Variants in HMGCLL1 observed in about 807,000 individuals in gnomAD.
The protein encoded by HMGCLL1 is 3-hydroxymethyl-3-methylglutaryl-CoA lyase, cytoplasmic.
Under a neutral mutation model 39.1 loss-of-function variants are expected in HMGCLL1, and 36 were observed. That is an observed-to-expected ratio of 0.92 (90% CI 0.71 to 1.22). HMGCLL1 has a LOEUF of 1.22. HMGCLL1 is among the 50% of genes most tolerant of loss of function. The pLI is 0.00. For synonymous variants in HMGCLL1, 149 were observed against 144.0 expected, an observed-to-expected ratio of 1.03 and a Z score of -0.25; for missense variants, 451 against 416.5, an observed-to-expected ratio of 1.08 and a Z score of -0.72.
chr6:55,598,322 A>T, the HMGCLL1 span, among the ~76,000 whole-genome samples: 2 of 152,286 alleles, frequency 1.3e-5, no homozygotes, highest in African/African-American at 2.4e-5. Flanking sequence ...TTACAAAAAA[A>T]ATTAGAGAGC....
chr6:55,537,333 T>TA (rs1204415423), intron 3 of HMGCLL1, among the ~76,000 whole-genome samples: 1 of 152,202 alleles, frequency 6.6e-6, no homozygotes, highest in Non-Finnish European at 1.5e-5. Context: ...GTGATTTATT[T>TA]AAACCACTTA....
At chr6:55,627,728 A>G in the HMGCLL1 span, among the ~76,000 whole-genome samples, 1 of 147,258 alleles carries the variant, frequency 6.8e-6, no homozygotes, top group Non-Finnish European at 1.5e-5. Flanking sequence ...CCCAGCCTAC[A>G]TCTTTCTCTT....
chr6:55,564,936 G>A (rs939933939), intron 1 of HMGCLL1, among the ~76,000 whole-genome samples: 1 of 151,914 alleles, frequency 6.6e-6, no homozygotes, highest in Non-Finnish European at 1.5e-5. Context: ...ACCTCAGCCT[G>A]TGAATGTTGG....
chr6:55,588,403 C>G, the HMGCLL1 span, among the ~76,000 whole-genome samples: 1 of 151,646 alleles, frequency 6.6e-6, no homozygotes, highest in African/African-American at 2.4e-5. Context: ...ACATTTAAAA[C>G]AGTGTATAGA....
the HMGCLL1 span, among the ~76,000 whole-genome samples, chr6:55,622,902 T>A: frequency 2.6e-5 from 4 of 152,042 alleles, no homozygotes; most frequent in Non-Finnish European, 4.4e-5. Context: ...GGCTTTTCTT[T>A]GCTGGGAGAC....
At chr6:55,559,576 C>T (rs943634283) in intron 1 of HMGCLL1, among the ~76,000 whole-genome samples, 2 of 152,232 alleles carry the variant, frequency 1.3e-5, no homozygotes, top group Admixed American at 6.5e-5. Context: ...CAAGAAGGAG[C>T]GTGGGTCCTG....
chr6:55,569,467 G>C (rs1581961193), intron 1 of HMGCLL1, among the ~76,000 whole-genome samples: 2 of 152,136 alleles, frequency 1.3e-5, no homozygotes, highest in Non-Finnish European at 2.9e-5. Context: ...GAAAAGTTTA[G>C]GAAGCACTGG....
At chr6:55,486,661 A>T (rs544047143) in intron 7 of HMGCLL1, among the ~76,000 whole-genome samples, 1 of 152,138 alleles carries the variant, frequency 6.6e-6, no homozygotes, top group East Asian at 1.9e-4. Flanking sequence ...GTCACCTTAC[A>T]TACACTCACA....
chr6:55,668,901 T>C, the HMGCLL1 span, among the ~76,000 whole-genome samples: 1 of 151,714 alleles, frequency 6.6e-6, no homozygotes, highest in Non-Finnish European at 1.5e-5. Flanking sequence ...GGTATACAAC[T>C]CCAGGGAGGG....
At chr6:55,651,441 T>A in the HMGCLL1 span, among the ~76,000 whole-genome samples, 1 of 152,098 alleles carries the variant, frequency 6.6e-6, no homozygotes, top group African/African-American at 2.4e-5. Context: ...CTACTGTCAC[T>A]GAGCTGGTAT....
At position 55,570,202 on chromosome 6, in the gene HMGCLL1, C is replaced by G. The variant is rs542830414; in HGVS notation, c.108+8746G>C. The stretch of plus-strand genomic sequence containing the variant: ...GAACCCTACGTAGTTATCTGACTTT[C>G]CTGTTATAGTAAGATTCAAGTCTTC... On this transcript the variant is annotated intron_variant, in intron 1 of 8. Coordinates refer to ENST00000274901, the MANE Select transcript of HMGCLL1 (RefSeq NM_001042406.2). Among the ~76,000 whole-genome samples the G allele has an allele frequency of 5.3e-5, 8 of 152,314 alleles. No individual in the cohort carries two copies. The South Asian group carries it at 8.3e-4, about 16-fold the overall frequency.
the HMGCLL1 span, among the ~76,000 whole-genome samples, chr6:55,586,677 A>C: frequency 6.6e-6 from 1 of 151,840 alleles, no homozygotes; most frequent in Non-Finnish European, 1.5e-5. Flanking sequence ...AGTTTGCTGG[A>C]GAATGATGGT....
At chr6:55,637,746 C>G in the HMGCLL1 span, among the ~76,000 whole-genome samples, 182 of 101,612 alleles carry the variant, frequency 1.8e-3, no homozygotes, top group African/African-American at 6.7e-3. Context: ...GTGTATGTGT[C>G]TGTGTGTGTC....
At chr6:55,667,325 A>G in the HMGCLL1 span, among the ~76,000 whole-genome samples, 1 of 151,840 alleles carries the variant, frequency 6.6e-6, no homozygotes, top group African/African-American at 2.4e-5. Context: ...TTAAAAATTA[A>G]TAATACTAAG....
the HMGCLL1 span, among the ~76,000 whole-genome samples, chr6:55,625,370 G>A: frequency 6.6e-6 from 1 of 152,070 alleles, no homozygotes; most frequent in African/African-American, 2.4e-5. Flanking sequence ...GCAAAAGTAA[G>A]TTACATGAGG....
intron 3 of HMGCLL1, among the ~76,000 whole-genome samples, chr6:55,530,327 A>G (rs916237545): frequency 6.6e-6 from 1 of 152,074 alleles, no homozygotes; most frequent in African/African-American, 2.4e-5. Flanking sequence ...AGTTTTTGCA[A>G]TGACAAATTT....
chr6:55,604,295 A>T, the HMGCLL1 span, among the ~76,000 whole-genome samples: 1 of 152,186 alleles, frequency 6.6e-6, no homozygotes, highest in Non-Finnish European at 1.5e-5. Flanking sequence ...TGAGGAAAAG[A>T]AAATCATATA....
chr6:55,445,716 T>C (rs1019398004), intron 7 of HMGCLL1, among the ~76,000 whole-genome samples: 1 of 152,098 alleles, frequency 6.6e-6, no homozygotes, highest in Non-Finnish European at 1.5e-5. Flanking sequence ...CACAAACTTA[T>C]GTTTGCACCA....
chr6:55,524,660 G>A (rs1768219035), intron 3 of HMGCLL1, among the ~76,000 whole-genome samples: 1 of 151,766 alleles, frequency 6.6e-6, no homozygotes, highest in Non-Finnish European at 1.5e-5. Flanking sequence ...CATAGATAGT[G>A]GTAAATGACT....
Sources: gnomAD v4.1 joint callset for allele counts (sites outside exome capture counted in the v4.1 genomes callset) on GRCh38, gnomAD v4.1.1 for gene constraint, MANE v1.5 for transcripts, NCBI Gene and HGNC (gene_info 2026-07-23, HGNC 2026-07-21) for gene names.